DDX20: variants seen among roughly 807,000 people sequenced by gnomAD.
The protein encoded by DDX20 is probable ATP-dependent RNA helicase DDX20.
Under a neutral mutation model 76.4 loss-of-function variants are expected in DDX20, and 61 were observed. That is an observed-to-expected ratio of 0.80 (90% CI 0.65 to 0.99). DDX20 has a LOEUF of 0.99. Ranked by LOEUF, DDX20 falls within the 50% of genes least tolerant of loss-of-function variation. The pLI, the probability that DDX20 is intolerant of heterozygous loss-of-function variation, is 0.00. For synonymous variants in DDX20, 357 were observed against 357.4 expected (o/e 1.00, Z 0.01); for missense variants, 976 against 996.8 (o/e 0.98, Z 0.28).
chr1:111,763,035 A>G (rs373990282), intron 10 of DDX20, 28 bp downstream of exon 10: 2 of 1,523,848 alleles, frequency 1.3e-6, no homozygotes, highest in African/African-American at 2.7e-5. Context: ...CATTATTTCA[A>G]AATAATTATA....
Position 111,766,633 on chromosome 1 carries a change from A to AACCTAC in DDX20, c.2210_2215dup (p.Leu738_Pro739insHisLeu). On this transcript the variant is annotated inframe_insertion, in exon 11 of 11. Coordinates refer to ENST00000369702, the MANE Select transcript of DDX20 (RefSeq NM_007204.5). ...CCAGAGAGCTAAGCAGAGCCGGAGA[A>AACCTAC]ACCTACCCAGGCGGTCTTCCTTCAG... The AACCTAC allele has an allele frequency of 6.2e-7, 1 of 1,614,212 alleles. No homozygotes were observed. Among genetic ancestry groups the AACCTAC allele is most frequent in the Non-Finnish European group, 8.5e-7 (1 of 1,180,026 alleles).
rs138984105 is a variant in DDX20 at position 111,759,388 on chromosome 1, G to T, written c.397-12G>T. On this transcript the variant is annotated splice_polypyrimidine_tract_variant and intron_variant, in intron 2 of 10. Coordinates refer to ENST00000369702, the MANE Select transcript of DDX20 (RefSeq NM_007204.5). ...CTCTGACTCAAAGGTGTAATTTATGGTTTTTTTTTAGATTTTGATCTTGGC... is the reference window on the plus strand; with the variant it reads ...CTCTGACTCAAAGGTGTAATTTATGTTTTTTTTTTAGATTTTGATCTTGGC... The T allele has an allele frequency of 1.5e-3, 2,283 of 1,573,790 alleles. 29 individuals carry two copies. In the African/African-American group the frequency reaches 0.027, roughly 18 times the overall value.
chr1:111,763,565 T>C (rs1300737943), intron 10 of DDX20, among the ~76,000 whole-genome samples: 1 of 147,220 alleles, frequency 6.8e-6, no homozygotes. Flanking sequence ...AGAGTGAAAC[T>C]CCGTCTCAAA....
At chr1:111,759,149 T>C (rs1279549157) in intron 2 of DDX20, among the ~76,000 whole-genome samples, 1 of 152,220 alleles carries the variant, frequency 6.6e-6, no homozygotes, top group Non-Finnish European at 1.5e-5. Context: ...TGTGGGAGGA[T>C]GTACACAGGT....
chr1:111,765,347 C>T (rs1387636524), intron 10 of DDX20, among the ~76,000 whole-genome samples: 1 of 152,080 alleles, frequency 6.6e-6, no homozygotes, highest in Non-Finnish European at 1.5e-5. Flanking sequence ...AGTTGATAAG[C>T]TTTGGGGAGC....
chr1:111,756,700 T>A lies in DDX20; in HGVS notation c.356T>A (p.Ile119Lys). ...GTGKTCVFSTIALDSLVLENL... is the reference protein window; with the variant it reads ...GTGKTCVFSTKALDSLVLENL... ...GGGAAAACCTGTGTGTTCTCCACCA[T>A]AGCTTTGGACTCTCTTGTTCTTGAA... is the stretch of plus-strand genomic sequence containing the variant. The change falls in exon 2 of 11, where the codon ATA becomes AAA. Residue 119 changes from isoleucine to lysine, a missense_variant. By Grantham distance (102) the Ile-to-Lys change is moderately radical. Around this residue, in one of 3 missense-constraint regions of DDX20, gnomAD observed 343 missense variants for 286.4 expected, o/e 1.20. Transcript: ENST00000369702. 1 of 1,614,164 alleles carries A rather than the reference T, an allele frequency of 6.2e-7. No individual in the cohort carries two copies. The highest frequency in any genetic ancestry group is 8.5e-7 in the Non-Finnish European group (1 of 1,180,002).
chr1:111,756,268 G>GCC, intron 1 of DDX20, 43 bp downstream of exon 1: 2 of 739,102 alleles, frequency 2.7e-6, no homozygotes, highest in Non-Finnish European at 3.9e-6. Context: ...TGGGGTGGGA[G>GCC]AAGGGGGACC....
In DDX20 at chr1:111,756,079, G is replaced by A; in HGVS notation, c.155G>A (p.Arg52His). The A allele has an allele frequency of 6.2e-7, 1 of 1,605,662 alleles. No homozygotes were observed. Reference sequence around the variant, plus strand: ...CAGGATCTCAGCAGCCCGCGGACCCGCACGGGGGATGTGCTGTTGGCGGAG... The same window carrying A: ...CAGGATCTCAGCAGCCCGCGGACCCACACGGGGGATGTGCTGTTGGCGGAG... ...TAQDLSSPRT[R>H]TGDVLLAEPA... is the part of the protein sequence containing the mutation. The change falls in exon 1 of 11, where the codon CGC becomes CAC. Residue 52 changes from arginine to histidine, a missense_variant. Transcript: ENST00000369702.
intron 2 of DDX20, among the ~76,000 whole-genome samples, chr1:111,757,986 C>G (rs889733238): frequency 2.0e-5 from 3 of 152,090 alleles, no homozygotes; most frequent in African/African-American, 7.2e-5. Context: ...TCCCGAGTAG[C>G]TGGGATTACA....
chr1:111,762,475 G>A, intron 8 of DDX20, 138 bp downstream of exon 8: 1 of 853,578 alleles, frequency 1.2e-6, no homozygotes, highest in Non-Finnish European at 1.8e-6. Context: ...CAGTGCTGAG[G>A]AAAATACTTT....
intron 3 of DDX20, among the ~76,000 whole-genome samples, chr1:111,759,922 C>G (rs1348765219): frequency 7.0e-6 from 1 of 142,292 alleles, no homozygotes; most frequent in Non-Finnish European, 1.5e-5. Flanking sequence ...TGCAGTGAGC[C>G]GAGATCGCGC....
In DDX20 at chr1:111,755,945, C is replaced by G; in HGVS notation, c.21C>G (p.Ala7=). 1 of 1,584,646 alleles carries G rather than the reference C, an allele frequency of 6.3e-7. No individual in the cohort carries two copies. Among genetic ancestry groups the G allele is most frequent in the Non-Finnish European group, 8.6e-7 (1 of 1,160,772 alleles). ...CTACCATGGCGGCGGCATTTGAAGC[C>G]TCGGGAGCCTTAGCAGCAGTGGCGA... is the stretch of plus-strand genomic sequence containing the variant. The part of the protein sequence containing the change: MAAAFE[A]SGALAAVATA... Residue 7 remains alanine (A), a synonymous_variant, in exon 1 of 11, where the codon GCC becomes GCG. Transcript: ENST00000369702.
chr1:111,760,786 T>G lies in DDX20; in HGVS notation c.761T>G (p.Leu254Trp). ...ATYPEFLANA[L>W]TKYMRDPTFV... ...TATCCCGAATTTTTGGCTAATGCTT[T>G]GACAAAGTACATGAGAGATCCCACT... Residue 254 changes from leucine (L) to tryptophan (W), a missense_variant, in exon 5 of 11, where the codon TTG (leucine) becomes TGG (tryptophan). This residue lies in a region of DDX20 where 630 missense variants were observed against 693.7 expected (regional missense o/e 0.91). Transcript: ENST00000369702. 1 of 1,614,004 alleles carries G rather than the reference T, an allele frequency of 6.2e-7. No homozygotes were observed. The highest frequency in any genetic ancestry group is 8.5e-7 in the Non-Finnish European group (1 of 1,179,952).
At chr1:111,759,167 A>G (rs571325167) in intron 2 of DDX20, among the ~76,000 whole-genome samples, 1 of 152,360 alleles carries the variant, frequency 6.6e-6, no homozygotes, top group African/African-American at 2.4e-5. Context: ...GGTAATATAC[A>G]GATATATGCA....
rs1663565790 is a variant in DDX20 at position 111,756,741 on chromosome 1, G to C, written c.396+1G>C. On this transcript the variant is annotated splice_donor_variant, in intron 2 of 10. Coordinates refer to ENST00000369702, the MANE Select transcript of DDX20 (RefSeq NM_007204.5). LOFTEE classifies it high-confidence loss of function. ...TGTTCTTGAAAACTTAAGTACCCAG[G>C]TGAGTTAGCTGAGAGGACCAGAGGA... 6.2e-7 allele frequency: 1 copy of C among 1,612,960 alleles called. No individual in the cohort carries two copies. The highest frequency in any genetic ancestry group is 8.5e-7 in the Non-Finnish European group (1 of 1,179,026).
In DDX20 at chr1:111,766,862, C is replaced by T. The variant is rs374852190; in HGVS notation, c.2438C>T (p.Thr813Ile). The T allele has an allele frequency of 6.2e-7, 1 of 1,612,390 alleles. No homozygotes were observed. Among genetic ancestry groups the T allele is most frequent in the African/African-American group, 1.3e-5 (1 of 74,868 alleles). The change falls in exon 11 of 11, where the codon ACC (threonine) becomes ATC (isoleucine). Residue 813 changes from threonine (T) to isoleucine (I), a missense_variant. Coordinates refer to ENST00000369702, the MANE Select transcript of DDX20 (RefSeq NM_007204.5). The part of the protein sequence containing the change: ...PSWMAAYHMN[T>I]IYLQEMMHSN... ...TGGATGGCAGCTTATCACATGAATA[C>T]CATTTATCTACAAGAAATGATGCAT...
rs1415252937 is a variant in DDX20, at chr1:111,760,704, A to G, written c.681-2A>G. 1 of 1,605,910 alleles carries G rather than the reference A, an allele frequency of 6.2e-7. No homozygotes were observed. The highest frequency in any genetic ancestry group is 8.5e-7 in the Non-Finnish European group (1 of 1,177,702). Reference sequence around the variant, plus strand: ...TACATGGTATCTGTTTTTATTTTGCAGTTGGATTTATTCTTCCTTGCCTGC... The same window carrying G: ...TACATGGTATCTGTTTTTATTTTGCGGTTGGATTTATTCTTCCTTGCCTGC... On this transcript the variant is annotated splice_acceptor_variant, in intron 4 of 10. Coordinates refer to ENST00000369702, the MANE Select transcript of DDX20 (RefSeq NM_007204.5). LOFTEE classifies it high-confidence loss of function.
Position 111,762,894 on chromosome 1 carries a change from C to G in DDX20, c.1211-12C>G, listed in dbSNP as rs1168077724. 6.2e-7 allele frequency: 1 copy of G among 1,606,216 alleles called. No individual in the cohort carries two copies. Among genetic ancestry groups the G allele is most frequent in the African/African-American group, 1.3e-5 (1 of 74,712 alleles). ...AAAATGATTTACTACCTAACATTCT[C>G]TCTGCTTTTAGGTACATTGGGGCTG... On this transcript the variant is annotated splice_polypyrimidine_tract_variant and intron_variant, in intron 9 of 10. Coordinates refer to ENST00000369702, the MANE Select transcript of DDX20 (RefSeq NM_007204.5).
At position 111,756,212 on chromosome 1, in the gene DDX20, G is replaced by A. The variant is rs1050093233; in HGVS notation, c.288G>A (p.Gly96=). ...SPVQLKAIPL[G]RCGLDLIVQA... ...TGCAGCTCAAGGCCATCCCGTTGGGGCGCTGCGGGCTCGGTGAGAGCGGGG... is the reference window on the plus strand; with the variant it reads ...TGCAGCTCAAGGCCATCCCGTTGGGACGCTGCGGGCTCGGTGAGAGCGGGG... Residue 96 remains glycine (G), a synonymous_variant, in exon 1 of 11, where the codon GGG becomes GGA. Coordinates refer to ENST00000369702, the MANE Select transcript of DDX20 (RefSeq NM_007204.5). 1 of 1,446,042 alleles carries A rather than the reference G, an allele frequency of 6.9e-7. No individual in the cohort carries two copies. The highest frequency in any genetic ancestry group is 2.7e-5 in the East Asian group (1 of 36,420). The allele number at this position is 1,446,042 out of a possible 1,614,324, so 89.6% of individuals were successfully genotyped here.
Sources: gnomAD v4.1 joint callset for allele counts (sites outside exome capture counted in the v4.1 genomes callset) on GRCh38, gnomAD v4.1.1 for gene constraint, gnomAD v4.1.1 regional missense constraint, MANE v1.5 for transcripts, NCBI Gene and HGNC (gene_info 2026-07-23, HGNC 2026-07-21) for gene names.